Variants in GSG1L observed in about 807,000 individuals in gnomAD.
The protein encoded by GSG1L is GSG1 like, also known as germ cell-specific gene 1-like protein.
Under a neutral mutation model 42.1 loss-of-function variants are expected in GSG1L, and 24 were observed. That is an observed-to-expected ratio of 0.57 (90% CI 0.41 to 0.80). The LOEUF (loss-of-function observed/expected upper bound fraction) is 0.80. GSG1L is among the 30% of genes least tolerant of loss of function. GSG1L has a pLI of 0.00. For missense variants in GSG1L, 445 were observed against 472.2 expected (o/e 0.94, Z 0.53); for synonymous variants, 215 against 203.5 (o/e 1.06, Z -0.48).
intron 1 of GSG1L, among the ~76,000 whole-genome samples, chr16:28,052,989 T>G (rs1409676982): frequency 6.6e-6 from 1 of 151,910 alleles, no homozygotes; most frequent in Non-Finnish European, 1.5e-5. Flanking sequence ...CCGGGCCAAG[T>G]GGAGCTGCCT....
chr16:27,838,367 A>G (rs1047369313), intron 4 of GSG1L, among the ~76,000 whole-genome samples: 6 of 152,274 alleles, frequency 3.9e-5, no homozygotes, highest in Non-Finnish European at 5.9e-5. Context: ...CAGGGCCCCA[A>G]CGCACCCACA....
At chr16:27,933,042 C>T (rs927855503) in intron 2 of GSG1L, among the ~76,000 whole-genome samples, 3 of 152,038 alleles carry the variant, frequency 2.0e-5, no homozygotes, top group African/African-American at 7.2e-5. Flanking sequence ...GAATAGCTGA[C>T]TAATACACAT....
intron 1 of GSG1L, among the ~76,000 whole-genome samples, chr16:28,010,389 C>G (rs1413645799): frequency 6.6e-6 from 1 of 152,188 alleles, no homozygotes; most frequent in African/African-American, 2.4e-5. Flanking sequence ...ACAGCATGCA[C>G]TGTGGGGGGA....
chr16:27,985,933 G>A (rs1181064730), intron 1 of GSG1L, among the ~76,000 whole-genome samples: 1 of 152,016 alleles, frequency 6.6e-6, no homozygotes, highest in Non-Finnish European at 1.5e-5. Flanking sequence ...CCCCCTTTTT[G>A]GGGTCTTCTG....
rs2084885899 is a variant in GSG1L at position 27,947,383 on chromosome 16, A to AG, written c.397+15772_397+15773insC. Among the ~76,000 whole-genome samples, 35 of 90,218 alleles carry AG rather than the reference A, an allele frequency of 3.9e-4. No individual in the cohort carries two copies. The South Asian group carries it at 0.011, about 28-fold the overall frequency. The allele number at this position is 90,218 out of a possible 152,430, so 59.2% of individuals were successfully genotyped here. A position where few individuals can be genotyped will look rare whatever the true frequency, so the allele number is the denominator to read the frequency against. On this transcript the variant is annotated intron_variant, in intron 2 of 6. Coordinates refer to ENST00000447459, the MANE Select transcript of GSG1L (RefSeq NM_001109763.2). ...AGGAGGAGGAGAGAAAGAAAGAAAG[A>AG]AAAAGAAAGAAAGAAAGAAAGAAAG... is the stretch of plus-strand genomic sequence containing the variant.
intron 1 of GSG1L, among the ~76,000 whole-genome samples, chr16:28,002,976 CA>C (rs2085596446): frequency 6.6e-6 from 1 of 152,094 alleles, no homozygotes; most frequent in African/African-American, 2.4e-5. Flanking sequence ...AAAAAAGATC[CA>C]GGGGGAGAGC....
At chr16:27,936,507 C>T (rs529846916) in intron 2 of GSG1L, among the ~76,000 whole-genome samples, 1 of 152,318 alleles carries the variant, frequency 6.6e-6, no homozygotes, top group South Asian at 2.1e-4. Context: ...CAGCAGCTCT[C>T]CTTTGCTTTC....
chr16:28,015,242 G>A (rs2085767207), intron 1 of GSG1L, among the ~76,000 whole-genome samples: 1 of 151,996 alleles, frequency 6.6e-6, no homozygotes, highest in African/African-American at 2.4e-5. Context: ...AGCGGCTCAC[G>A]CCTGTGATCC....
At chr16:27,870,279 C>A (rs2083800531) in intron 3 of GSG1L, among the ~76,000 whole-genome samples, 2 of 147,980 alleles carry the variant, frequency 1.4e-5, no homozygotes, top group Non-Finnish European at 3.0e-5. Flanking sequence ...CTCTCTCCAT[C>A]TTTCTGTCTC....
intron 5 of GSG1L, among the ~76,000 whole-genome samples, chr16:27,812,521 G>T (rs796940005): frequency 3.2e-4 from 48 of 152,332 alleles, no homozygotes; most frequent in African/African-American, 1.1e-3. Flanking sequence ...TGGTGGACGG[G>T]ATTCGGCCTG....
At chr16:27,898,493 T>A (rs1040041530) in intron 2 of GSG1L, among the ~76,000 whole-genome samples, 1 of 151,628 alleles carries the variant, frequency 6.6e-6, no homozygotes, top group Non-Finnish European at 1.5e-5. Flanking sequence ...CAAAGACAGG[T>A]TTTTGAGATT....
intron 1 of GSG1L, among the ~76,000 whole-genome samples, chr16:28,046,466 G>T (rs1225843132): frequency 6.8e-6 from 1 of 147,500 alleles, no homozygotes; most frequent in Non-Finnish European, 1.5e-5. Context: ...CGATTCTCCT[G>T]CCTCAGCCTC....
At chr16:28,046,419 TCTC>T (rs1167137286) in intron 1 of GSG1L, among the ~76,000 whole-genome samples, 3 of 146,228 alleles carry the variant, frequency 2.1e-5, no homozygotes, top group Non-Finnish European at 4.5e-5. Flanking sequence ...AGTAGTGTGA[TCTC>T]AGCTCACTGC....
intron 2 of GSG1L, among the ~76,000 whole-genome samples, chr16:27,888,398 CTCCTTCTTTCTTTCTTTCTT>C (rs2084056423): frequency 7.1e-6 from 1 of 141,100 alleles, no homozygotes; most frequent in African/African-American, 2.9e-5. Context: ...CTTTTCTTTT[CTCCTTCTTTCTTTCTTTCTT>C]TCTTTCTTTC....
chr16:27,877,472 G>A (rs1180856090), intron 3 of GSG1L, among the ~76,000 whole-genome samples: 2 of 152,042 alleles, frequency 1.3e-5, no homozygotes, highest in African/African-American at 4.8e-5. Flanking sequence ...GGTTTTAAAA[G>A]AAGTCAAAAT....
At chr16:27,943,679 A>G (rs1473191861) in intron 2 of GSG1L, among the ~76,000 whole-genome samples, 2 of 137,140 alleles carry the variant, frequency 1.5e-5, no homozygotes, top group Admixed American at 1.7e-4. Context: ...GGTTCAAGCT[A>G]TTCTTATGCC....
At chr16:27,849,853 T>C (rs1017056720) in intron 3 of GSG1L, among the ~76,000 whole-genome samples, 2 of 149,778 alleles carry the variant, frequency 1.3e-5, no homozygotes, top group African/African-American at 2.5e-5. Flanking sequence ...GTGGAGTCAA[T>C]AGGACTCGCT....
At chr16:27,871,246 C>T (rs1433096584) in intron 3 of GSG1L, among the ~76,000 whole-genome samples, 2 of 152,168 alleles carry the variant, frequency 1.3e-5, no homozygotes, top group Admixed American at 6.5e-5. Context: ...CCCCACAATG[C>T]ACAGGCCAGC....
chr16:27,824,527 C>T (rs1308115637), intron 5 of GSG1L, among the ~76,000 whole-genome samples: 1 of 142,748 alleles, frequency 7.0e-6, no homozygotes, highest in Non-Finnish European at 1.5e-5. Context: ...GTGCTCTGAG[C>T]TCTTTGTAGG....
Sources: allele counts gnomAD v4.1 joint callset (sites outside exome capture counted in the v4.1 genomes callset), GRCh38; gene constraint gnomAD v4.1.1; transcripts MANE v1.5; gene names NCBI Gene and HGNC (gene_info 2026-07-23, HGNC 2026-07-21).